Variants in UNC13C observed in about 807,000 individuals in gnomAD.
UNC13C encodes the protein unc-13 homolog C, also known as protein unc-13 homolog C.
UNC13C carries 174 observed loss-of-function variants against 245.4 expected under a neutral mutation model. The ratio of observed to expected loss-of-function variants is 0.71; its 90% CI spans 0.63 to 0.80. The LOEUF (loss-of-function observed/expected upper bound fraction) is 0.80, where lower values mean the gene tolerates loss of function less well. UNC13C is among the 30% of genes least tolerant of loss of function. The probability of loss-of-function intolerance (pLI) is 0.00; values close to 1 mark genes in which losing one functional copy is unlikely to be tolerated. For synonymous variants in UNC13C, 992 were observed against 895.1 expected, an observed-to-expected ratio of 1.11 and a Z score of -1.93; for missense variants, 2,829 against 2,602.9, an observed-to-expected ratio of 1.09 and a Z score of -1.89.
At chr15:54,094,463 T>C (rs1319346406) in intron 2 of UNC13C, among the ~76,000 whole-genome samples, 2 of 152,164 alleles carry the variant, frequency 1.3e-5, no homozygotes, top group Non-Finnish European at 2.9e-5. Flanking sequence ...TACTCATGAG[T>C]GTGCATTTTA....
At chr15:54,224,201 G>A (rs2035309075) in intron 4 of UNC13C, among the ~76,000 whole-genome samples, 1 of 152,068 alleles carries the variant, frequency 6.6e-6, no homozygotes. Flanking sequence ...GGGCATCCTT[G>A]TGGTGTTACT....
intron 14 of UNC13C, among the ~76,000 whole-genome samples, chr15:54,327,805 C>G (rs1269499406): frequency 2.0e-5 from 3 of 151,984 alleles, no homozygotes; most frequent in Admixed American, 2.0e-4. Context: ...AGTTAGGGTC[C>G]TATCTTCCCA....
At chr15:54,089,203 G>T (rs1899421175) in intron 2 of UNC13C, among the ~76,000 whole-genome samples, 1 of 152,132 alleles carries the variant, frequency 6.6e-6, no homozygotes, top group Admixed American at 6.5e-5. Context: ...GGAGTTAATG[G>T]TATCTTCCTT....
intron 4 of UNC13C, among the ~76,000 whole-genome samples, chr15:54,228,477 C>A (rs1352294911): frequency 6.6e-6 from 1 of 152,160 alleles, no homozygotes; most frequent in African/African-American, 2.4e-5. Flanking sequence ...CCAAAGCCAG[C>A]ATGTCTCTGA....
chr15:54,493,934 A>T (rs1377669207), intron 19 of UNC13C, among the ~76,000 whole-genome samples: 2 of 152,178 alleles, frequency 1.3e-5, no homozygotes, highest in Non-Finnish European at 2.9e-5. Flanking sequence ...CCTGCTAAGA[A>T]TGTATCAAAA....
the UNC13C span, among the ~76,000 whole-genome samples, chr15:53,839,125 G>A: frequency 6.6e-6 from 1 of 151,882 alleles, no homozygotes; most frequent in African/African-American, 2.4e-5. Flanking sequence ...ATGTGTATAT[G>A]CATGTATATA....
chr15:54,221,108 CA>C (rs551140033), intron 4 of UNC13C, among the ~76,000 whole-genome samples: 15 of 152,070 alleles, frequency 9.9e-5, no homozygotes, highest in African/African-American at 3.6e-4. Flanking sequence ...ATTTTCCCTT[CA>C]TGTATTGACA....
At chr15:54,626,177 A>C (rs1471248160) in intron 32 of UNC13C, among the ~76,000 whole-genome samples, 2 of 128,468 alleles carry the variant, frequency 1.6e-5, no homozygotes. Flanking sequence ...GGCCTTCTTT[A>C]TTATGTTGAC....
chr15:53,918,880 T>C, the UNC13C span, among the ~76,000 whole-genome samples: 53,801 of 152,116 alleles, frequency 0.35, 9,654 homozygotes, highest in Non-Finnish European at 0.38. Flanking sequence ...AAAGTACTTT[T>C]GAAAATGATG....
At chr15:54,287,977 C>G (rs1052709208) in intron 10 of UNC13C, among the ~76,000 whole-genome samples, 1 of 152,178 alleles carries the variant, frequency 6.6e-6, no homozygotes, top group Admixed American at 6.5e-5. Context: ...TCTGTAGTCT[C>G]TTCACAAGCT....
chr15:54,110,098 T>G (rs1900690414), intron 2 of UNC13C, among the ~76,000 whole-genome samples: 1 of 151,936 alleles, frequency 6.6e-6, no homozygotes, highest in Admixed American at 6.6e-5. Context: ...GCCGATATAG[T>G]GGAACCCAGT....
chr15:54,400,261 G>T (rs182659498), intron 18 of UNC13C, among the ~76,000 whole-genome samples: 1 of 152,068 alleles, frequency 6.6e-6, no homozygotes, highest in East Asian at 1.9e-4. Context: ...CTTTAAAGAA[G>T]ATTTTTTTTA....
Position 54,555,485 on chromosome 15 carries a change from A to G in UNC13C, c.5931A>G (p.Ile1977Met), listed in dbSNP as rs1897049290. 2 of 1,612,104 alleles carry G rather than the reference A, an allele frequency of 1.2e-6. No homozygotes were observed. The highest frequency in any genetic ancestry group is 1.3e-5 in the African/African-American group (1 of 74,820). Residue 1977 changes from isoleucine (I) to methionine (M), a missense_variant, in exon 29 of 33, where the codon ATA becomes ATG. Transcript: ENST00000260323. Reference sequence around the variant, plus strand: ...GTCTGACGCCAAGACAATGCGCTATAATGGAGGTAGTCCTGGCTACCATCA... The same window carrying G: ...GTCTGACGCCAAGACAATGCGCTATGATGGAGGTAGTCCTGGCTACCATCA... ...ARGLTPRQCAIMEVVLATIKQ... is the reference protein window; with the variant it reads ...ARGLTPRQCAMMEVVLATIKQ...
chr15:53,931,744 C>T, the UNC13C span, among the ~76,000 whole-genome samples: 1 of 152,068 alleles, frequency 6.6e-6, no homozygotes, highest in African/African-American at 2.4e-5. Context: ...GGGGTGAAAT[C>T]AATTGAGGTG....
intron 17 of UNC13C, among the ~76,000 whole-genome samples, chr15:54,382,053 G>C (rs2039736717): frequency 6.6e-6 from 1 of 152,096 alleles, no homozygotes; most frequent in Non-Finnish European, 1.5e-5. Flanking sequence ...TATCTTCTCA[G>C]ACTACAGTGA....
chr15:54,578,503 A>G (rs1898058876), intron 30 of UNC13C, among the ~76,000 whole-genome samples: 1 of 152,192 alleles, frequency 6.6e-6, no homozygotes, highest in Non-Finnish European at 1.5e-5. Context: ...CCTCTCAAAT[A>G]CTAAGATTGG....
intron 4 of UNC13C, among the ~76,000 whole-genome samples, chr15:54,166,840 C>A (rs1285859504): frequency 6.6e-6 from 1 of 152,064 alleles, no homozygotes; most frequent in Non-Finnish European, 1.5e-5. Context: ...TTAAAGATGA[C>A]TTAAATAAAC....
chr15:54,367,174 G>A (rs923385075), intron 17 of UNC13C, among the ~76,000 whole-genome samples: 2 of 152,086 alleles, frequency 1.3e-5, no homozygotes, highest in Non-Finnish European at 2.9e-5. Context: ...TAAAACAGAA[G>A]AAATATGCCA....
chr15:54,284,117 C>A (rs2037077512), intron 10 of UNC13C, among the ~76,000 whole-genome samples: 1 of 152,094 alleles, frequency 6.6e-6, no homozygotes, highest in African/African-American at 2.4e-5. Flanking sequence ...GCTCTTTGTT[C>A]TATGGACGGG....
Sources: gnomAD v4.1 joint callset for allele counts (sites outside exome capture counted in the v4.1 genomes callset) on GRCh38, gnomAD v4.1.1 for gene constraint, MANE v1.5 for transcripts, NCBI Gene and HGNC (gene_info 2026-07-23, HGNC 2026-07-21) for gene names.